Variants in SLC45A3 observed in about 807,000 individuals in gnomAD.
The protein encoded by SLC45A3 is prostate cancer associated protein 2.
SLC45A3 carries 17 observed loss-of-function variants against 35.3 expected under a neutral mutation model. The ratio of observed to expected loss-of-function variants is 0.48; its 90% CI spans 0.33 to 0.72. The LOEUF (loss-of-function observed/expected upper bound fraction) is 0.72. Among genes scored for constraint, SLC45A3 ranks in the 30% least tolerant of loss-of-function variants. The pLI, the probability that SLC45A3 is intolerant of heterozygous loss-of-function variation, is 0.02. For missense variants in SLC45A3, 597 were observed against 731.7 expected (o/e 0.82, Z 2.12); for synonymous variants, 288 against 334.3 (o/e 0.86, Z 1.51).
chr1:205,662,946 C>A lies in SLC45A3; in HGVS notation c.845G>T (p.Trp282Leu). ...CAGCGTGAAGGTCATGAGTGCCATCCAGCTGCACAGCTCAGCCACGAAGAG... is the reference window on the plus strand; with the variant it reads ...CAGCGTGAAGGTCATGAGTGCCATCAAGCTGCACAGCTCAGCCACGAAGAG... ...RRLFVAELCS[W>L]MALMTFTLFY... Residue 282 changes from tryptophan (W) to leucine (L), a missense_variant, in exon 3 of 5, where the codon TGG becomes TTG. Physicochemically the swap from Trp to Leu is moderately conservative, Grantham distance 61. Around this residue, in one of 3 missense-constraint regions of SLC45A3, gnomAD observed 555 missense variants for 664.9 expected, o/e 0.83. Transcript: ENST00000367145. The surrounding 1 kb of genome is among the most constrained non-coding windows in gnomAD (Gnocchi z 6.2). 1 of 1,613,656 alleles carries A rather than the reference C, an allele frequency of 6.2e-7. No individual in the cohort carries two copies. Among genetic ancestry groups the A allele is most frequent in the South Asian group, 1.1e-5 (1 of 91,082 alleles).
In SLC45A3 at chr1:205,658,696, TTG is replaced by T. The variant is rs1670963900; in HGVS notation, c.*536_*537del. On this transcript the variant is annotated 3_prime_UTR_variant, in exon 5 of 5. Coordinates refer to ENST00000367145, the MANE Select transcript of SLC45A3 (RefSeq NM_033102.3). ...GCTGTGGGCTGAGGGGACCTGGTTC[TTG>T]TGTGTTGCCCCTCAGGACTCTTCCC... is the stretch of plus-strand genomic sequence containing the variant. The T allele has an allele frequency of 4.2e-6, 1 of 235,810 alleles. No individual in the cohort carries two copies. The highest frequency in any genetic ancestry group is 8.4e-6 in the Non-Finnish European group (1 of 119,450). The allele number at this position is 235,810 out of a possible 1,614,324, so 14.6% of individuals were successfully genotyped here. A position where few individuals can be genotyped will look rare whatever the true frequency, so the allele number is the denominator to read the frequency against.
intron 1 of SLC45A3, among the ~76,000 whole-genome samples, chr1:205,672,837 CA>C (rs1671241364): frequency 6.6e-6 from 1 of 152,164 alleles, no homozygotes. Context: ...TCTGTGCAAC[CA>C]GGTGATCTCA....
Position 205,666,505 on chromosome 1 carries a change from T to TA in SLC45A3, c.-230-1620dup, listed in dbSNP as rs1278208206. Among the ~76,000 whole-genome samples, 3 of 152,060 alleles carry TA rather than the reference T, an allele frequency of 2.0e-5. No individual in the cohort carries two copies. Among genetic ancestry groups the TA allele is most frequent in the Admixed American group, 6.5e-5 (1 of 15,268 alleles). ...CTGGGTGACAGAGGGAGACACTGCC[T>TA]AAAAAAACATCAGATGGCTATCAGT... On this transcript the variant is annotated intron_variant, in intron 1 of 4. Transcript: ENST00000367145. This position sits in a 1 kb window ranked among gnomAD's most constrained non-coding sequence, Gnocchi z 4.1.
At position 205,659,664 on chromosome 1, in the gene SLC45A3, AG is replaced by A; in HGVS notation, c.1231del (p.Leu411CysfsTer17). The A allele has an allele frequency of 1.3e-6, 2 of 1,526,118 alleles. No homozygotes were observed. The highest frequency in any genetic ancestry group is 4.5e-5 in the East Asian group (2 of 44,190). 94.5% of individuals were successfully genotyped at this position (1,526,118 alleles called of 1,614,324 possible). On this transcript the variant is annotated frameshift_variant, in exon 5 of 5. Transcript: ENST00000367145. LOFTEE classifies it high-confidence loss of function. The surrounding 1 kb of genome is among the most constrained non-coding windows in gnomAD (Gnocchi z 5.8). ...TCCAGTGTCCCCTCGGTATTTGGGCAGGAACACCTAAGGCAGAGGGGTGAAG... is the reference window on the plus strand; with the variant it reads ...TCCAGTGTCCCCTCGGTATTTGGGCAGAACACCTAAGGCAGAGGGGTGAAG... ...SLYHREKQVF[L>X]PKYRGDTGGA...
rs139582699 is a variant in SLC45A3 at position 205,677,528 on chromosome 1, G to C, written c.-231+2866C>G. Among the ~76,000 whole-genome samples, 1,011 of 152,316 alleles carry C rather than the reference G, an allele frequency of 6.6e-3. 7 individuals carry two copies. The highest frequency in any genetic ancestry group is 0.022 in the African/African-American group (930 of 41,556). On this transcript the variant is annotated intron_variant, in intron 1 of 4. Coordinates refer to ENST00000367145, the MANE Select transcript of SLC45A3 (RefSeq NM_033102.3). ...GGTACTATTATCCTCATTTTACAGAGGAGGAAGTTGAAACAGTTTAAATAA... is the reference window on the plus strand; with the variant it reads ...GGTACTATTATCCTCATTTTACAGACGAGGAAGTTGAAACAGTTTAAATAA...
At chr1:205,676,719 T>A (rs1404970740) in intron 1 of SLC45A3, among the ~76,000 whole-genome samples, 1 of 152,108 alleles carries the variant, frequency 6.6e-6, no homozygotes, top group African/African-American at 2.4e-5. Context: ...GAAAACAGGA[T>A]TCAACAGGAA....
rs1373175767 is a variant in SLC45A3, at chr1:205,669,043, A to G, written c.-230-4157T>C. Among the ~76,000 whole-genome samples, 1 of 152,090 alleles carries G rather than the reference A, an allele frequency of 6.6e-6. No homozygotes were observed. The highest frequency in any genetic ancestry group is 1.5e-5 in the Non-Finnish European group (1 of 68,008). Reference sequence around the variant, plus strand: ...GGGCTGGCTCCCACCCCAGCAAGAAAAGGGGCCGGGAAATGTTTACCTAAT... The same window carrying G: ...GGGCTGGCTCCCACCCCAGCAAGAAGAGGGGCCGGGAAATGTTTACCTAAT... On this transcript the variant is annotated intron_variant, in intron 1 of 4. Coordinates refer to ENST00000367145, the MANE Select transcript of SLC45A3 (RefSeq NM_033102.3). The surrounding 1 kb of genome is among the most constrained non-coding windows in gnomAD (Gnocchi z 4.1).
intron 1 of SLC45A3, among the ~76,000 whole-genome samples, chr1:205,676,477 T>C (rs1671316459): frequency 6.6e-6 from 1 of 152,164 alleles, no homozygotes; most frequent in Non-Finnish European, 1.5e-5. Flanking sequence ...CAAACATCTA[T>C]GGAACACCTG....
chr1:205,662,949 C>T lies in SLC45A3; in HGVS notation c.842G>A (p.Ser281Asn), dbSNP rs771183745. 6.2e-7 allele frequency: 1 copy of T among 1,613,694 alleles called. No individual in the cohort carries two copies. The highest frequency in any genetic ancestry group is 8.5e-7 in the Non-Finnish European group (1 of 1,180,014). The change falls in exon 3 of 5, where the codon AGC becomes AAC. Residue 281 changes from serine to asparagine, a missense_variant. Ser to Asn is a conservative substitution (Grantham distance 46, BLOSUM62 1). This residue lies in a region of SLC45A3 where 555 missense variants were observed against 664.9 expected (regional missense o/e 0.83). Coordinates refer to ENST00000367145, the MANE Select transcript of SLC45A3 (RefSeq NM_033102.3). The surrounding 1 kb of genome is among the most constrained non-coding windows in gnomAD (Gnocchi z 6.2). The stretch of plus-strand genomic sequence containing the variant: ...CGTGAAGGTCATGAGTGCCATCCAG[C>T]TGCACAGCTCAGCCACGAAGAGCCG... Reference protein sequence around the residue: ...LRRLFVAELCSWMALMTFTLF... With the variant: ...LRRLFVAELCNWMALMTFTLF...
At position 205,664,466 on chromosome 1, in the gene SLC45A3, G is replaced by C. The variant is rs199993352; in HGVS notation, c.172+19C>G. The C allele has an allele frequency of 1.2e-6, 2 of 1,612,772 alleles. No homozygotes were observed. The highest frequency in any genetic ancestry group is 3.3e-5 in the Admixed American group (2 of 59,958). On this transcript the variant is annotated intron_variant, in intron 2 of 4. Transcript: ENST00000367145. This position sits in a 1 kb window ranked among gnomAD's most constrained non-coding sequence, Gnocchi z 5.3. ...GGCATGTATCTGGAACAGGAAGGAA[G>C]GAGGATGTAGTGACTCACCCAGCAC...
In SLC45A3 at chr1:205,675,005, C is replaced by T. The variant is rs372667919; in HGVS notation, c.-231+5389G>A. On this transcript the variant is annotated intron_variant, in intron 1 of 4. Transcript: ENST00000367145. ...TGCTGGGATTACAGGCGTGAGCCACCGCGCCCAGCCTAAGTATCCATTTTT... is the reference window on the plus strand; with the variant it reads ...TGCTGGGATTACAGGCGTGAGCCACTGCGCCCAGCCTAAGTATCCATTTTT... Among the ~76,000 whole-genome samples, 829 of 152,292 alleles carry T rather than the reference C, an allele frequency of 5.4e-3. 7 individuals carry two copies. The highest frequency in any genetic ancestry group is 0.019 in the African/African-American group (790 of 41,560).
chr1:205,659,016 A>T lies in SLC45A3; in HGVS notation c.*218T>A, dbSNP rs1028549794. On this transcript the variant is annotated 3_prime_UTR_variant, in exon 5 of 5. Coordinates refer to ENST00000367145, the MANE Select transcript of SLC45A3 (RefSeq NM_033102.3). The surrounding 1 kb of genome is among the most constrained non-coding windows in gnomAD (Gnocchi z 5.8). ...ACTGAAACCCCCTTGGAAGGCCTCC[A>T]GTCAGGCAGCCCTAGAGACTGGGGA... 1.8e-6 allele frequency: 1 copy of T among 570,182 alleles called. No homozygotes were observed. The highest frequency in any genetic ancestry group is 3.1e-6 in the Non-Finnish European group (1 of 323,780). The allele number at this position is 570,182 out of a possible 1,614,324, so 35.3% of individuals were successfully genotyped here. A position where few individuals can be genotyped will look rare whatever the true frequency, so the allele number is the denominator to read the frequency against.
chr1:205,667,205 C>T (rs146796133), intron 1 of SLC45A3, among the ~76,000 whole-genome samples: 24 of 151,586 alleles, frequency 1.6e-4, no homozygotes, highest in Non-Finnish European at 2.9e-4. Context: ...CCTGTTTCTA[C>T]AAAAATAAAA....
chr1:205,680,447 C>T lies in SLC45A3; in HGVS notation c.-284G>A, dbSNP rs1671388410. ...AGCCAGCGCGTGCAGGCTGGTTCCG[C>T]CCCCCCTTCCTTGCCCCCCACGCGC... On this transcript the variant is annotated 5_prime_UTR_variant, in exon 1 of 5. Transcript: ENST00000367145. The T allele has an allele frequency of 6.6e-6, 1 of 152,662 alleles. No individual in the cohort carries two copies. Among genetic ancestry groups the T allele is most frequent in the Non-Finnish European group, 1.5e-5 (1 of 68,514 alleles). 9.5% of individuals were successfully genotyped at this position (152,662 alleles called of 1,614,324 possible).
intron 1 of SLC45A3, among the ~76,000 whole-genome samples, chr1:205,677,256 C>T (rs1050590579): frequency 1.3e-5 from 2 of 152,290 alleles, no homozygotes; most frequent in South Asian, 2.1e-4. Context: ...GACATCCAGT[C>T]CTGCTGTGAT....
At chr1:205,667,004 G>A (rs1466031763) in intron 1 of SLC45A3, among the ~76,000 whole-genome samples, 1 of 152,168 alleles carries the variant, frequency 6.6e-6, no homozygotes. Flanking sequence ...AGCAAACAGA[G>A]ACTTTGTTAG....
In SLC45A3 at chr1:205,669,851, AC is replaced by A. The variant is rs1671180309; in HGVS notation, c.-230-4966del. Reference sequence around the variant, plus strand: ...AAGCGGGTGGGGTCACCCTGGGCCAACCTCCCGGACACACACCCCACCAAGG... The same window carrying A: ...AAGCGGGTGGGGTCACCCTGGGCCAACTCCCGGACACACACCCCACCAAGG... On this transcript the variant is annotated intron_variant, in intron 1 of 4. Coordinates refer to ENST00000367145, the MANE Select transcript of SLC45A3 (RefSeq NM_033102.3). The surrounding 1 kb of genome is among the most constrained non-coding windows in gnomAD (Gnocchi z 4.1). Among the ~76,000 whole-genome samples the A allele has an allele frequency of 6.6e-6, 1 of 152,080 alleles. No individual in the cohort carries two copies. Among genetic ancestry groups the A allele is most frequent in the African/African-American group, 2.4e-5 (1 of 41,412 alleles).
chr1:205,663,584 C>T lies in SLC45A3; in HGVS notation c.207G>A (p.Pro69=), dbSNP rs141274901. The T allele has an allele frequency of 3.3e-4, 526 of 1,607,514 alleles. 4 individuals carry two copies. The highest frequency in any genetic ancestry group is 2.4e-3 in the South Asian group (217 of 90,456). ...AGTGGTCACTGGCTGAGCCTAGGAGCGGGACACAGACCAGGCCCAGCACTG... is the reference window on the plus strand; with the variant it reads ...AGTGGTCACTGGCTGAGCCTAGGAGTGGGACACAGACCAGGCCCAGCACTG... The part of the protein sequence containing the change: ...IGPVLGLVCV[P]LLGSASDHWR... The change falls in exon 3 of 5, where the codon CCG becomes CCA. Residue 69 remains proline, a synonymous_variant. Transcript: ENST00000367145.
chr1:205,679,842 G>A (rs1250712284), intron 1 of SLC45A3, among the ~76,000 whole-genome samples: 3 of 152,018 alleles, frequency 2.0e-5, no homozygotes, highest in Admixed American at 6.5e-5. Context: ...CTGGGCCTGA[G>A]CACCCCGCGG....
Sources: allele counts gnomAD v4.1 joint callset (sites outside exome capture counted in the v4.1 genomes callset), GRCh38; gene constraint gnomAD v4.1.1; regional missense constraint gnomAD v4.1.1; non-coding constraint Gnocchi (gnomAD v3.1); transcripts MANE v1.5; gene names NCBI Gene and HGNC (gene_info 2026-07-23, HGNC 2026-07-21).